SGCZ: variants seen among roughly 807,000 people sequenced by gnomAD.
SGCZ encodes sarcoglycan zeta.
A neutral mutation model predicts 41.3 loss-of-function variants in SGCZ; 40 were observed. The observed-to-expected ratio is 0.97, with a 90% CI of 0.75 to 1.26. The LOEUF is 1.26. Among genes scored for constraint, SGCZ ranks in the 50% most tolerant of loss-of-function variants. The pLI is 0.00. For missense variants in SGCZ, 552 were observed against 369.8 expected (o/e 1.49, Z -4.04); for synonymous variants, 206 against 137.5 (o/e 1.50, Z -3.49).
chr8:14,836,434 T>C (rs1045223705), intron 1 of SGCZ, among the ~76,000 whole-genome samples: 4 of 152,170 alleles, frequency 2.6e-5, no homozygotes, highest in South Asian at 2.1e-4. Context: ...CCCTGTCCCA[T>C]ACAATAACCT....
intron 1 of SGCZ, among the ~76,000 whole-genome samples, chr8:14,633,126 T>A (rs1216303668): frequency 6.6e-6 from 1 of 152,028 alleles, no homozygotes; most frequent in Non-Finnish European, 1.5e-5. Context: ...TCATGAATGT[T>A]TGCTGAGTTA....
At chr8:14,634,701 C>A (rs536771972) in intron 1 of SGCZ, among the ~76,000 whole-genome samples, 1 of 151,916 alleles carries the variant, frequency 6.6e-6, no homozygotes, top group South Asian at 2.1e-4. Context: ...GAATGAAGGA[C>A]TCTCAGACAC....
chr8:14,600,897 A>AT lies in SGCZ; in HGVS notation c.40-45972dup, dbSNP rs58649389. Among the ~76,000 whole-genome samples, 669 of 148,030 alleles carry AT rather than the reference A, an allele frequency of 4.5e-3. 1 individual carries two copies. Among genetic ancestry groups the AT allele is most frequent in the African/African-American group, 0.013 (526 of 40,698 alleles). On this transcript the variant is annotated intron_variant, in intron 1 of 7. Coordinates refer to ENST00000382080, the MANE Select transcript of SGCZ (RefSeq NM_139167.4). ...TAAAATAGACCTCAAGCCTTCTGAT[A>AT]TTTTTTTTTTTGATCAACTTAACCT...
At chr8:14,944,074 A>G (rs954174305) in intron 1 of SGCZ, among the ~76,000 whole-genome samples, 1 of 152,090 alleles carries the variant, frequency 6.6e-6, no homozygotes, top group Admixed American at 6.6e-5. Flanking sequence ...ATCATACTCA[A>G]GAATTGCCTG....
intron 5 of SGCZ, among the ~76,000 whole-genome samples, chr8:14,125,639 A>C (rs1300211219): frequency 4.6e-5 from 7 of 152,226 alleles, no homozygotes; most frequent in Non-Finnish European, 5.9e-5. Context: ...TTTAAAATTC[A>C]TATGCAACCA....
intron 5 of SGCZ, among the ~76,000 whole-genome samples, chr8:14,112,182 A>T (rs1298445318): frequency 6.9e-6 from 1 of 145,628 alleles, no homozygotes; most frequent in Non-Finnish European, 1.5e-5. Flanking sequence ...TTATATTTTT[A>T]AGTTATTTGA....
At chr8:14,434,118 T>C (rs1056943344) in intron 2 of SGCZ, among the ~76,000 whole-genome samples, 3 of 152,236 alleles carry the variant, frequency 2.0e-5, no homozygotes, top group African/African-American at 7.2e-5. Context: ...ATTTAAGTCC[T>C]TAATCCATCT....
At chr8:14,659,002 CT>C (rs763374334) in intron 1 of SGCZ, among the ~76,000 whole-genome samples, 4 of 152,050 alleles carry the variant, frequency 2.6e-5, no homozygotes, top group Admixed American at 6.6e-5. Flanking sequence ...CTTAAAGTTA[CT>C]GTTAAGTACC....
intron 1 of SGCZ, among the ~76,000 whole-genome samples, chr8:14,642,776 T>C (rs540191024): frequency 1.3e-5 from 2 of 151,628 alleles, no homozygotes; most frequent in African/African-American, 2.4e-5. Flanking sequence ...AATATATATA[T>C]CTAAGCAAAG....
At chr8:14,608,402 T>A (rs973967227) in intron 1 of SGCZ, among the ~76,000 whole-genome samples, 4 of 151,934 alleles carry the variant, frequency 2.6e-5, no homozygotes, top group Non-Finnish European at 4.4e-5. Flanking sequence ...TATGCTCAGC[T>A]TCTGGAGAGG....
chr8:14,145,944 G>A (rs1306547533), intron 5 of SGCZ, among the ~76,000 whole-genome samples: 1 of 152,134 alleles, frequency 6.6e-6, no homozygotes, highest in Non-Finnish European at 1.5e-5. Flanking sequence ...ATAGGATCTA[G>A]AAAATAGCCT....
intron 1 of SGCZ, among the ~76,000 whole-genome samples, chr8:14,694,645 C>T (rs117867192): frequency 0.014 from 2,108 of 152,228 alleles, 22 homozygotes; most frequent in Non-Finnish European, 0.021. Context: ...AATGAACACT[C>T]CCACATCTAA....
At chr8:14,595,086 T>TC in intron 1 of SGCZ, among the ~76,000 whole-genome samples, 1 of 150,404 alleles carries the variant, frequency 6.6e-6, no homozygotes, top group Admixed American at 6.6e-5. Flanking sequence ...GTTTCCTAAT[T>TC]TGTTATCACC....
intron 2 of SGCZ, among the ~76,000 whole-genome samples, chr8:14,494,459 TA>T (rs1471941418): frequency 6.6e-6 from 1 of 152,086 alleles, no homozygotes; most frequent in Non-Finnish European, 1.5e-5. Context: ...ATTTTAAAAT[TA>T]GGTTTTAAAT....
At chr8:14,879,648 T>C (rs1339894041) in intron 1 of SGCZ, 1 of 151,818 alleles carries the variant, frequency 6.6e-6, no homozygotes, top group Non-Finnish European at 1.5e-5. Flanking sequence ...TAACAGTTCC[T>C]CGTTGTTTCA....
chr8:14,478,282 C>A (rs1468974844), intron 2 of SGCZ, among the ~76,000 whole-genome samples: 1 of 152,174 alleles, frequency 6.6e-6, no homozygotes, highest in Non-Finnish European at 1.5e-5. Context: ...GGTAAGCAAC[C>A]AAGATGTCCC....
At chr8:14,196,622 T>G (rs903535747) in intron 4 of SGCZ, among the ~76,000 whole-genome samples, 1 of 152,168 alleles carries the variant, frequency 6.6e-6, no homozygotes, top group African/African-American at 2.4e-5. Flanking sequence ...AACTGCAATC[T>G]GAAAATGATC....
intron 1 of SGCZ, among the ~76,000 whole-genome samples, chr8:15,009,087 T>A (rs1242546564): frequency 6.6e-6 from 1 of 152,160 alleles, no homozygotes; most frequent in Non-Finnish European, 1.5e-5. Flanking sequence ...TCACAGTATA[T>A]TAATTTGTTC....
At chr8:15,015,326 T>C (rs956418301) in intron 1 of SGCZ, among the ~76,000 whole-genome samples, 4 of 151,980 alleles carry the variant, frequency 2.6e-5, no homozygotes, top group East Asian at 1.9e-4. Context: ...AATTGACAAA[T>C]AGATGATAGA....
Sources: gnomAD v4.1 joint callset for allele counts (sites outside exome capture counted in the v4.1 genomes callset) on GRCh38, gnomAD v4.1.1 for gene constraint, MANE v1.5 for transcripts, NCBI Gene and HGNC (gene_info 2026-07-23, HGNC 2026-07-21) for gene names.